SMARCA2: variants seen among roughly 807,000 people sequenced by gnomAD.
The protein encoded by SMARCA2 is SWI/SNF-related matrix-associated actin-dependent regulator of chromatin subfamily A member 2.
Under a neutral mutation model 199.8 loss-of-function variants are expected in SMARCA2, and 61 were observed. The ratio of observed to expected loss-of-function variants is 0.31; its 90% CI spans 0.25 to 0.38. The LOEUF (loss-of-function observed/expected upper bound fraction) is 0.38, where lower values mean the gene tolerates loss of function less well. SMARCA2 is among the 10% of genes least tolerant of loss of function. The pLI is 1.00. For synonymous variants in SMARCA2, 935 were observed against 732.0 expected (o/e 1.28, Z -4.48); for missense variants, 1,344 against 2,012.2 (o/e 0.67, Z 6.35).
At chr9:2,031,449 C>T (rs1224680018) in intron 2 of SMARCA2, among the ~76,000 whole-genome samples, 1 of 152,116 alleles carries the variant, frequency 6.6e-6, no homozygotes, top group Non-Finnish European at 1.5e-5. Context: ...GAAGGTGTCT[C>T]ACCTTCAAAA....
chr9:2,125,794 G>C (rs572801425), intron 27 of SMARCA2, among the ~76,000 whole-genome samples: 1 of 152,270 alleles, frequency 6.6e-6, no homozygotes, highest in South Asian at 2.1e-4. Context: ...CTGGCTGGGC[G>C]AAATTTTTAA....
chr9:2,015,760 G>A (rs927585543), intron 1 of SMARCA2, among the ~76,000 whole-genome samples: 2 of 152,238 alleles, frequency 1.3e-5, no homozygotes, highest in African/African-American at 2.4e-5. Context: ...ACAAGCCACA[G>A]CCTTGATCCT....
At chr9:2,120,251 T>C (rs536337088) in intron 26 of SMARCA2, among the ~76,000 whole-genome samples, 1 of 152,338 alleles carries the variant, frequency 6.6e-6, no homozygotes, top group African/African-American at 2.4e-5. Flanking sequence ...GGTTGAATGC[T>C]GCAGAACCCT....
chr9:2,157,916 G>T (rs1401786516), intron 27 of SMARCA2: 2 of 398,312 alleles, frequency 5.0e-6, no homozygotes, highest in Admixed American at 4.4e-5. Context: ...AGAGGGCCAC[G>T]ACTGGACCCA....
At chr9:2,158,925 T>C in intron 27 of SMARCA2, 1 of 1,611,098 alleles carries the variant, frequency 6.2e-7, no homozygotes, top group African/African-American at 1.3e-5. Flanking sequence ...GGAGGGAAGA[T>C]GTTTTGTAGC....
At chr9:2,177,239 T>C (rs1448368354) in intron 29 of SMARCA2, among the ~76,000 whole-genome samples, 1 of 152,252 alleles carries the variant, frequency 6.6e-6, no homozygotes, top group Non-Finnish European at 1.5e-5. Context: ...CAAACGACTT[T>C]GCTATGTTTG....
In SMARCA2 at chr9:2,119,581, C is replaced by T. The variant is rs753582497; in HGVS notation, c.3762+46C>T. On this transcript the variant is annotated intron_variant, in intron 26 of 33. Transcript: ENST00000349721. The surrounding 1 kb of genome is among the most constrained non-coding windows in gnomAD (Gnocchi z 4.6). ...GAACACAAATGCTTTATACCTCTGCCCCTTTTTCTGTTAAGCAGAATGTCT... is the reference window on the plus strand; with the variant it reads ...GAACACAAATGCTTTATACCTCTGCTCCTTTTTCTGTTAAGCAGAATGTCT... 6 of 1,316,464 alleles carry T rather than the reference C, an allele frequency of 4.6e-6. No homozygotes were observed. In the South Asian group the frequency reaches 7.1e-5, roughly 16 times the overall value. The allele number at this position is 1,316,464 out of a possible 1,614,324, so 81.5% of individuals were successfully genotyped here.
chr9:2,151,862 T>TA (rs780361447), intron 27 of SMARCA2, among the ~76,000 whole-genome samples: 19 of 152,140 alleles, frequency 1.2e-4, no homozygotes, highest in Non-Finnish European at 1.9e-4. Flanking sequence ...GAAAACCACT[T>TA]ATGATTGAAA....
intron 4 of SMARCA2, among the ~76,000 whole-genome samples, chr9:2,046,192 T>G (rs1426606009): frequency 1.3e-5 from 2 of 152,370 alleles, no homozygotes; most frequent in East Asian, 1.9e-4. Flanking sequence ...TTAACTCATC[T>G]GGTAGCATCA....
rs1482122445 is a variant in SMARCA2, at chr9:2,183,258, A to AAGAC, written c.4461+1018_4461+1021dup. Among the ~76,000 whole-genome samples, 3 of 152,220 alleles carry AAGAC rather than the reference A, an allele frequency of 2.0e-5. No homozygotes were observed. In the East Asian group the frequency reaches 5.8e-4, roughly 29 times the overall value. ...TCAGGAGCTGAAACTACTAGAATTT[A>AAGAC]AGACAAAACAAACTATAGGAAAAAA... is the stretch of plus-strand genomic sequence containing the variant. On this transcript the variant is annotated intron_variant, in intron 31 of 33. Coordinates refer to ENST00000349721, the MANE Select transcript of SMARCA2 (RefSeq NM_003070.5).
rs201798443 is a variant in SMARCA2 at position 2,191,317 on chromosome 9, G to A, written c.4646G>A (p.Arg1549Gln). Residue 1549 changes from arginine (R) to glutamine (Q), a missense_variant, in exon 33 of 34, where the codon CGG becomes CAG. Coordinates refer to ENST00000349721, the MANE Select transcript of SMARCA2 (RefSeq NM_003070.5). Reference sequence around the variant, plus strand: ...CTCAATAAAAAAGATGACAAAGGCCGGGACAAAGGGAAAGGCAAGAAAAGG... The same window carrying A: ...CTCAATAAAAAAGATGACAAAGGCCAGGACAAAGGGAAAGGCAAGAAAAGG... The part of the protein sequence containing the change: ...IKLNKKDDKG[R>Q]DKGKGKKRPN... 4.6e-5 allele frequency: 75 copies of A among 1,613,902 alleles called. No individual in the cohort carries two copies. The highest frequency in any genetic ancestry group is 5.3e-5 in the Non-Finnish European group (62 of 1,179,968).
intron 21 of SMARCA2, among the ~76,000 whole-genome samples, chr9:2,099,020 T>C (rs1586703309): frequency 1.3e-5 from 2 of 152,062 alleles, no homozygotes; most frequent in Non-Finnish European, 2.9e-5. Context: ...AATGAGTTCA[T>C]ATCCACCAGG....
chr9:2,169,286 A>G lies in SMARCA2; in HGVS notation c.4200-1133A>G, dbSNP rs1462039079. On this transcript the variant is annotated intron_variant, in intron 28 of 33. Transcript: ENST00000349721. This position sits in a 1 kb window ranked among gnomAD's most constrained non-coding sequence, Gnocchi z 6.5. ...TCCTGTCCTGGCTTCTTTCTGAGGC[A>G]CCTAACTTGTCATTTCATATTGTAA... is the stretch of plus-strand genomic sequence containing the variant. 6.6e-6 allele frequency among the ~76,000 whole-genome samples: 1 copy of G among 152,094 alleles called. No individual in the cohort carries two copies. Among genetic ancestry groups the G allele is most frequent in the Non-Finnish European group, 1.5e-5 (1 of 68,022 alleles).
chr9:2,129,497 G>T (rs181353763), intron 27 of SMARCA2, among the ~76,000 whole-genome samples: 73 of 152,286 alleles, frequency 4.8e-4, no homozygotes, highest in Admixed American at 1.4e-3. Context: ...CCTGCTCCTC[G>T]TGGAGTCAGC....
At chr9:2,171,227 A>C (rs1266958908) in intron 29 of SMARCA2, among the ~76,000 whole-genome samples, 1 of 152,144 alleles carries the variant, frequency 6.6e-6, no homozygotes, top group Non-Finnish European at 1.5e-5. Context: ...TTCTTTCTCC[A>C]TTTCGGTCAA....
chr9:2,026,466 G>T lies in SMARCA2; in HGVS notation c.-36-2521G>T, dbSNP rs911331052. On this transcript the variant is annotated intron_variant, in intron 1 of 33. Coordinates refer to ENST00000349721, the MANE Select transcript of SMARCA2 (RefSeq NM_003070.5). The stretch of plus-strand genomic sequence containing the variant: ...GGAGCATTTTTATGGGACTATGTAT[G>T]AGTAATTACAACATTCTCTGAGATT... Among the ~76,000 whole-genome samples the T allele has an allele frequency of 8.5e-5, 13 of 152,250 alleles. No homozygotes were observed. In the East Asian group the frequency reaches 1.2e-3, roughly 14 times the overall value.
chr9:2,085,333 A>G (rs894595768), intron 17 of SMARCA2, among the ~76,000 whole-genome samples: 1 of 152,196 alleles, frequency 6.6e-6, no homozygotes, highest in African/African-American at 2.4e-5. Flanking sequence ...GATTCATTGG[A>G]GACGCCTGGT....
chr9:2,111,069 G>A (rs1177493174), intron 24 of SMARCA2, among the ~76,000 whole-genome samples: 5 of 147,646 alleles, frequency 3.4e-5, no homozygotes, highest in African/African-American at 7.7e-5. Flanking sequence ...TAAATTGAGC[G>A]GGTCTCTCAT....
In SMARCA2 at chr9:2,177,714, A is replaced by G. The variant is rs377189643; in HGVS notation, c.4254-3857A>G. ...ATTACAGGCATGCGCCACCACACCCAGCTAATTTTGTATTTTTAGTAGAGA... is the reference window on the plus strand; with the variant it reads ...ATTACAGGCATGCGCCACCACACCCGGCTAATTTTGTATTTTTAGTAGAGA... On this transcript the variant is annotated intron_variant, in intron 29 of 33. Transcript: ENST00000349721. Among the ~76,000 whole-genome samples, 8 of 151,934 alleles carry G rather than the reference A, an allele frequency of 5.3e-5. No individual in the cohort carries two copies. The East Asian group carries it at 1.4e-3, about 27-fold the overall frequency.
Sources: allele counts gnomAD v4.1 joint callset (sites outside exome capture counted in the v4.1 genomes callset), GRCh38; gene constraint gnomAD v4.1.1; non-coding constraint Gnocchi (gnomAD v3.1); transcripts MANE v1.5; gene names NCBI Gene and HGNC (gene_info 2026-07-23, HGNC 2026-07-21).